Variants in STRIP2 observed in about 807,000 individuals in gnomAD.
STRIP2 encodes striatin-interacting protein 2.
A neutral mutation model predicts 107.1 loss-of-function variants in STRIP2; 84 were observed. That is an observed-to-expected ratio of 0.78 (90% confidence interval 0.66 to 0.94). The LOEUF (loss-of-function observed/expected upper bound fraction) is 0.94. Ranked by LOEUF, STRIP2 falls within the 40% of genes least tolerant of loss-of-function variation. The pLI, the probability that STRIP2 is intolerant of heterozygous loss-of-function variation, is 0.00. For synonymous variants in STRIP2, 394 were observed against 400.4 expected (o/e 0.98, Z 0.19); for missense variants, 888 against 1,034.2 (o/e 0.86, Z 1.94).
At chr7:129,472,619 G>A (rs1002774643) in intron 18 of STRIP2, among the ~76,000 whole-genome samples, 8 of 151,900 alleles carry the variant, frequency 5.3e-5, no homozygotes, top group Admixed American at 2.0e-4. Flanking sequence ...ATTCCACATA[G>A]GTCCTCAGTA....
chr7:129,464,193 GCT>G, intron 15 of STRIP2, 52 bp downstream of exon 15: 1 of 1,328,504 alleles, frequency 7.5e-7, no homozygotes, highest in Non-Finnish European at 1.1e-6. Context: ...TTATCTGCAG[GCT>G]CTCTCTAGTC....
chr7:129,465,465 GA>G (rs1798648583), intron 16 of STRIP2, among the ~76,000 whole-genome samples: 1 of 152,156 alleles, frequency 6.6e-6, no homozygotes, highest in Non-Finnish European at 1.5e-5. Context: ...CTGGGGCGGG[GA>G]AAGATGGGCA....
At chr7:129,476,276 C>G (rs1798937277) in intron 18 of STRIP2, among the ~76,000 whole-genome samples, 1 of 84,412 alleles carries the variant, frequency 1.2e-5, no homozygotes, top group South Asian at 4.0e-4. Flanking sequence ...GGCTGCCGGG[C>G]AGAGACGCTC....
At chr7:129,442,603 A>C (rs1797930237) in intron 2 of STRIP2, among the ~76,000 whole-genome samples, 1 of 152,218 alleles carries the variant, frequency 6.6e-6, no homozygotes, top group African/African-American at 2.4e-5. Context: ...ACCAAGACTA[A>C]AGTTCAGTAC....
Position 129,485,803 on chromosome 7 carries a change from TG to T in STRIP2, c.2482del (p.Glu828ArgfsTer9). On this transcript the variant is annotated frameshift_variant, in exon 21 of 21. Transcript: ENST00000249344. LOFTEE classifies it high-confidence loss of function. ...AGAGGTGTTTTCACAGCCCATCTGTTGGGAGGAGCTGCTCCAGAATCACTGA... is the reference window on the plus strand; with the variant it reads ...AGAGGTGTTTTCACAGCCCATCTGTTGGAGGAGCTGCTCCAGAATCACTGA... The part of the protein sequence containing the change: ...EREVFSQPIC[W>X]EELLQNH The T allele has an allele frequency of 6.2e-7, 1 of 1,614,056 alleles. No homozygotes were observed. The highest frequency in any genetic ancestry group is 1.1e-5 in the South Asian group (1 of 91,072).
chr7:129,442,004 G>C (rs1333791504), intron 2 of STRIP2, among the ~76,000 whole-genome samples: 1 of 152,214 alleles, frequency 6.6e-6, no homozygotes, highest in Non-Finnish European at 1.5e-5. Flanking sequence ...GAAGTGGGTA[G>C]ATCACCTGTC....
At chr7:129,475,541 CTCTTTTTTTT>C (rs1798894967) in intron 18 of STRIP2, among the ~76,000 whole-genome samples, 1 of 73,768 alleles carries the variant, frequency 1.4e-5, no homozygotes, top group Non-Finnish European at 2.5e-5. Flanking sequence ...GTGGTGATGA[CTCTTTTTTTT>C]TCTTTTTTTT....
rs1797898079 is a variant in STRIP2 at position 129,441,514 on chromosome 7, G to A, written c.199+1423G>A. Reference sequence around the variant, plus strand: ...TAAACTATAGCATATTAGTGCAGTAGGCTATTGAATAGCCATTAAAATAAT... The same window carrying A: ...TAAACTATAGCATATTAGTGCAGTAAGCTATTGAATAGCCATTAAAATAAT... On this transcript the variant is annotated intron_variant, in intron 2 of 20. Coordinates refer to ENST00000249344, the MANE Select transcript of STRIP2 (RefSeq NM_020704.3). Among the ~76,000 whole-genome samples the A allele has an allele frequency of 2.0e-5, 3 of 152,162 alleles. No homozygotes were observed. In the South Asian group the frequency reaches 6.2e-4, roughly 31 times the overall value.
intron 2 of STRIP2, among the ~76,000 whole-genome samples, chr7:129,443,045 T>C (rs1465592637): frequency 2.0e-5 from 3 of 151,400 alleles, no homozygotes; most frequent in Admixed American, 2.0e-4. Flanking sequence ...TTCTTTCTTT[T>C]TTTTTTTTTT....
Position 129,458,035 on chromosome 7 carries a change from T to C in STRIP2, c.1039-180T>C, listed in dbSNP as rs1333014710. 1 of 657,264 alleles carries C rather than the reference T, an allele frequency of 1.5e-6. No homozygotes were observed. 40.7% of individuals were successfully genotyped at this position (657,264 alleles called of 1,614,324 possible). ...GGCAGGGTTACCTGAGAACTTCTTGTCCTGTTATTGGGCCGGGTGGGGACA... is the reference window on the plus strand; with the variant it reads ...GGCAGGGTTACCTGAGAACTTCTTGCCCTGTTATTGGGCCGGGTGGGGACA... On this transcript the variant is annotated intron_variant, in intron 9 of 20. Coordinates refer to ENST00000249344, the MANE Select transcript of STRIP2 (RefSeq NM_020704.3). The surrounding 1 kb of genome is among the most constrained non-coding windows in gnomAD (Gnocchi z 4.6).
At position 129,460,456 on chromosome 7, in the gene STRIP2, A is replaced by T. The variant is rs78128417; in HGVS notation, c.1476+84A>T. The T allele has an allele frequency of 1.6e-3, 1,772 of 1,091,164 alleles. 21 individuals are homozygous for T. In the African/African-American group the frequency reaches 0.024, roughly 15 times the overall value. The allele number at this position is 1,091,164 out of a possible 1,614,324, so 67.6% of individuals were successfully genotyped here. On this transcript the variant is annotated intron_variant, in intron 13 of 20. Coordinates refer to ENST00000249344, the MANE Select transcript of STRIP2 (RefSeq NM_020704.3). ...TCACAGAGCATGTGTGCATGCATTC[A>T]TTCAGCATATTAGGCTGTAACTGTG...
intron 20 of STRIP2, among the ~76,000 whole-genome samples, chr7:129,485,156 T>TC (rs1799212965): frequency 6.6e-6 from 1 of 152,138 alleles, no homozygotes; most frequent in South Asian, 2.1e-4. Context: ...GGGACACTCA[T>TC]CCCCTAAGGA....
intron 8 of STRIP2, 66 bp downstream of exon 8, chr7:129,455,437 TAGTCTCATTCCAGG>T: frequency 6.5e-7 from 1 of 1,549,126 alleles, no homozygotes; most frequent in East Asian, 2.3e-5. Context: ...CAGTTTCTTC[TAGTCTCATTCCAGG>T]AGGCTGGATC....
In STRIP2 at chr7:129,444,004, T is replaced by G. The variant is rs781187413; in HGVS notation, c.200-20T>G. 8 of 1,600,876 alleles carry G rather than the reference T, an allele frequency of 5.0e-6. No individual in the cohort carries two copies. The Admixed American group carries it at 1.3e-4, about 27-fold the overall frequency. ...TTTAAGGATCTCCCGAATGTGACTG[T>G]TCTGTCTTTCCTGCCACAGAATTGT... On this transcript the variant is annotated intron_variant, in intron 2 of 20. Transcript: ENST00000249344.
rs1175736713 is a variant in STRIP2 at position 129,486,739 on chromosome 7, T to G, written c.*910T>G. 4 of 152,200 alleles carry G rather than the reference T, an allele frequency of 2.6e-5. No homozygotes were observed. The highest frequency in any genetic ancestry group is 4.4e-5 in the Non-Finnish European group (3 of 68,024). 9.4% of individuals were successfully genotyped at this position (152,200 alleles called of 1,614,324 possible). A position where few individuals can be genotyped will look rare whatever the true frequency, so the allele number is the denominator to read the frequency against. On this transcript the variant is annotated 3_prime_UTR_variant, in exon 21 of 21. Transcript: ENST00000249344. ...TCAATATATTTTTCTAATTGAAAAG[T>G]AAAAGCATCACAGCTTACCATTTTT...
intron 2 of STRIP2, among the ~76,000 whole-genome samples, chr7:129,443,143 C>T (rs1158555465): frequency 4.0e-5 from 6 of 151,440 alleles, no homozygotes; most frequent in East Asian, 1.9e-4. Context: ...TAAGCTCAAA[C>T]GATCCTCCAC....
chr7:129,458,645 A>G lies in STRIP2; in HGVS notation c.1275-67A>G. ...TGATTGGAGGGATAGGAGCCCGGAAAGTTTTTCTCTCTCAAAGTTTGCTTT... is the reference window on the plus strand; with the variant it reads ...TGATTGGAGGGATAGGAGCCCGGAAGGTTTTTCTCTCTCAAAGTTTGCTTT... On this transcript the variant is annotated intron_variant, in intron 10 of 20. Transcript: ENST00000249344. The surrounding 1 kb of genome is among the most constrained non-coding windows in gnomAD (Gnocchi z 4.6). 6.4e-7 allele frequency: 1 copy of G among 1,565,228 alleles called. No homozygotes were observed. The highest frequency in any genetic ancestry group is 8.8e-7 in the Non-Finnish European group (1 of 1,136,590).
In STRIP2 at chr7:129,487,561, A is replaced by G. The variant is rs1799269905; in HGVS notation, c.*1732A>G. The G allele has an allele frequency of 6.6e-6, 1 of 152,232 alleles. No homozygotes were observed. The highest frequency in any genetic ancestry group is 2.4e-5 in the African/African-American group (1 of 41,476). The allele number at this position is 152,232 out of a possible 1,614,324, so 9.4% of individuals were successfully genotyped here. On this transcript the variant is annotated 3_prime_UTR_variant, in exon 21 of 21. Coordinates refer to ENST00000249344, the MANE Select transcript of STRIP2 (RefSeq NM_020704.3). Reference sequence around the variant, plus strand: ...TTGCCTCTTTGTGCTTTAAAGTACCAGGATTTCTGTCTCTATGGATAGGTC... The same window carrying G: ...TTGCCTCTTTGTGCTTTAAAGTACCGGGATTTCTGTCTCTATGGATAGGTC...
chr7:129,454,485 TGTGG>T lies in STRIP2; in HGVS notation c.669_672del (p.Trp224GlufsTer11). The T allele has an allele frequency of 6.2e-7, 1 of 1,614,158 alleles. No individual in the cohort carries two copies. ...TCGCCTGGAGCGAGAGACAGACCCCTGTGGGTGGAGAACAGCCCGGGAGACCTTC... is the reference window on the plus strand; with the variant it reads ...TCGCCTGGAGCGAGAGACAGACCCCTGTGGAGAACAGCCCGGGAGACCTTC... On this transcript the variant is annotated frameshift_variant, in exon 7 of 21. Transcript: ENST00000249344. LOFTEE classifies it high-confidence loss of function.
Sources: allele counts gnomAD v4.1 joint callset (sites outside exome capture counted in the v4.1 genomes callset), GRCh38; gene constraint gnomAD v4.1.1; non-coding constraint Gnocchi (gnomAD v3.1); transcripts MANE v1.5; gene names NCBI Gene and HGNC (gene_info 2026-07-23, HGNC 2026-07-21).